Variants in DOP1B observed in about 807,000 individuals in gnomAD.
DOP1B encodes the protein protein DOP1B.
Under a neutral mutation model 233.5 loss-of-function variants are expected in DOP1B, and 174 were observed. That is an observed-to-expected ratio of 0.75 (90% CI 0.66 to 0.85). The LOEUF is 0.85. Among genes scored for constraint, DOP1B ranks in the 40% least tolerant of loss-of-function variants. The pLI, the probability that DOP1B is intolerant of heterozygous loss-of-function variation, is 0.00. For missense variants in DOP1B, 2,652 were observed against 2,846.6 expected (o/e 0.93, Z 1.56); for synonymous variants, 1,190 against 1,185.6 (o/e 1.00, Z -0.08).
At chr21:36,258,832 C>G (rs1471198565) in intron 23 of DOP1B, among the ~76,000 whole-genome samples, 1 of 152,252 alleles carries the variant, frequency 6.6e-6, no homozygotes, top group East Asian at 1.9e-4. Context: ...CACTGCGAGG[C>G]CAGGTTATGG....
At chr21:36,189,226 T>TC (rs773334974) in intron 2 of DOP1B, among the ~76,000 whole-genome samples, 8 of 152,206 alleles carry the variant, frequency 5.3e-5, no homozygotes, top group Non-Finnish European at 1.0e-4. Context: ...TCTTTTTTTT[T>TC]CAAACATACT....
intron 8 of DOP1B, 74 bp from the exon 9 acceptor site, chr21:36,214,368 A>G: frequency 1.4e-6 from 2 of 1,466,270 alleles, no homozygotes; most frequent in Non-Finnish European, 1.9e-6. Context: ...GTATTTAACA[A>G]TTAGAATAGC....
chr21:36,182,728 T>A (rs1406058445), intron 2 of DOP1B, among the ~76,000 whole-genome samples: 1 of 151,822 alleles, frequency 6.6e-6, no homozygotes, highest in Non-Finnish European at 1.5e-5. Flanking sequence ...AGTTGGGAGG[T>A]TGAGGCAGGA....
chr21:36,246,248 T>A lies in DOP1B; in HGVS notation c.4268T>A (p.Leu1423His). The A allele has an allele frequency of 6.2e-7, 1 of 1,613,842 alleles. No individual in the cohort carries two copies. The highest frequency in any genetic ancestry group is 1.1e-5 in the South Asian group (1 of 91,078). Residue 1423 changes from leucine (L) to histidine (H), a missense_variant, in exon 19 of 37, where the codon CTC becomes CAC. Physicochemically the swap from Leu to His is moderately conservative, Grantham distance 99 (BLOSUM62 -3). Around this residue, in one of 3 missense-constraint regions of DOP1B, gnomAD observed 2,617 missense variants for 2,794.3 expected, o/e 0.94. Coordinates refer to ENST00000691173, the MANE Select transcript of DOP1B (RefSeq NM_001320714.2). The surrounding 1 kb of genome is among the most constrained non-coding windows in gnomAD (Gnocchi z 5.1). ...GAGGACAGCCTCTTTGAGGAGAGTCTCATTAACTTGGGTCAGGACCAGATC... is the reference window on the plus strand; with the variant it reads ...GAGGACAGCCTCTTTGAGGAGAGTCACATTAACTTGGGTCAGGACCAGATC... ...LPEDSLFEES[L>H]INLGQDQIWS...
chr21:36,165,134 T>C (rs2065897212), intron 2 of DOP1B, among the ~76,000 whole-genome samples: 1 of 152,184 alleles, frequency 6.6e-6, no homozygotes, highest in Non-Finnish European at 1.5e-5. Context: ...TATCAATGTA[T>C]GTACCTCCTT....
chr21:36,177,630 G>A lies in DOP1B; in HGVS notation c.138+12759G>A, dbSNP rs181163408. On this transcript the variant is annotated intron_variant, in intron 2 of 36. Transcript: ENST00000691173. ...TGTTCTCATAAATGAGTTACTCGAC[G>A]TATGGATTAATGCATTGATAGGTTA... Among the ~76,000 whole-genome samples the A allele has an allele frequency of 2.2e-3, 331 of 152,266 alleles. 1 individual carries two copies. Among genetic ancestry groups the A allele is most frequent in the African/African-American group, 7.8e-3 (324 of 41,552 alleles).
Position 36,251,171 on chromosome 21 carries a change from CAAA to C in DOP1B, c.5012_5014del (p.Lys1671del), listed in dbSNP as rs767730580. ...TTTCCCTATTTTCTAGACCATAAGACAAAAAATTTTAGACTTCTTAAACCCCTT... is the reference window on the plus strand; with the variant it reads ...TTTCCCTATTTTCTAGACCATAAGACAAATTTTAGACTTCTTAAACCCCTT... On this transcript the variant is annotated inframe_deletion, in exon 22 of 37. Transcript: ENST00000691173. 6.2e-7 allele frequency: 1 copy of C among 1,609,514 alleles called. No individual in the cohort carries two copies. The highest frequency in any genetic ancestry group is 2.2e-5 in the East Asian group (1 of 44,828).
intron 23 of DOP1B, among the ~76,000 whole-genome samples, chr21:36,256,136 A>G (rs2067093951): frequency 6.6e-6 from 1 of 152,212 alleles, no homozygotes; most frequent in African/African-American, 2.4e-5. Flanking sequence ...AACAGTTTAA[A>G]ATCATACAGT....
intron 2 of DOP1B, among the ~76,000 whole-genome samples, chr21:36,182,000 AGTATT>A (rs2066104123): frequency 6.6e-6 from 1 of 152,240 alleles, no homozygotes; most frequent in African/African-American, 2.4e-5. Flanking sequence ...CAACATGTAA[AGTATT>A]GAATTGCTTT....
intron 27 of DOP1B, among the ~76,000 whole-genome samples, chr21:36,272,226 ACCTGT>A (rs1196662941): frequency 6.9e-6 from 1 of 145,284 alleles, no homozygotes; most frequent in Non-Finnish European, 1.5e-5. Flanking sequence ...AGTGGCTCCC[ACCTGT>A]AATCCCAGCA....
intron 16 of DOP1B, 113 bp downstream of exon 16, chr21:36,237,527 C>A (rs1167867325): frequency 7.5e-7 from 1 of 1,331,978 alleles, no homozygotes; most frequent in East Asian, 2.5e-5. Context: ...GAGTGGACAT[C>A]GTGATTAATA....
intron 4 of DOP1B, among the ~76,000 whole-genome samples, chr21:36,201,149 G>A (rs2066360458): frequency 6.6e-6 from 1 of 152,130 alleles, no homozygotes; most frequent in African/African-American, 2.4e-5. Flanking sequence ...AGGGCGCCTA[G>A]TGTGGAGGAA....
At chr21:36,287,096 G>A (rs529648711) in intron 32 of DOP1B, among the ~76,000 whole-genome samples, 12 of 151,492 alleles carry the variant, frequency 7.9e-5, no homozygotes, top group Admixed American at 6.6e-5. Flanking sequence ...AGCTATGGAA[G>A]AAAAAAAAAG....
Position 36,288,797 on chromosome 21 carries a change from A to G in DOP1B, c.6339A>G (p.Glu2113=), listed in dbSNP as rs1395430917. Residue 2113 remains glutamate, a synonymous_variant, in exon 34 of 37, where the codon GAA becomes GAG. Transcript: ENST00000691173. Reference sequence around the variant, plus strand: ...AGCTTGAAGAAGATCTAAAAGATGAAGATGAGTCATTGAGGTAAGCAGTAC... The same window carrying G: ...AGCTTGAAGAAGATCTAAAAGATGAGGATGAGTCATTGAGGTAAGCAGTAC... ...FTQLEEDLKD[E]DESLRSTNKV... is the part of the protein sequence containing the mutation. 2 of 1,613,396 alleles carry G rather than the reference A, an allele frequency of 1.2e-6. No individual in the cohort carries two copies. Among genetic ancestry groups the G allele is most frequent in the African/African-American group, 1.3e-5 (1 of 74,918 alleles).
At chr21:36,266,517 C>T (rs942973532) in intron 26 of DOP1B, among the ~76,000 whole-genome samples, 13 of 152,138 alleles carry the variant, frequency 8.5e-5, no homozygotes, top group Non-Finnish European at 1.2e-4. Flanking sequence ...ACAGATGAAG[C>T]GATGATCAGG....
intron 2 of DOP1B, chr21:36,169,511 TTGGTCACCCC>T: frequency 8.9e-7 from 1 of 1,121,330 alleles, no homozygotes; most frequent in East Asian, 2.4e-5. Context: ...GCCTTTGCCC[TTGGTCACCCC>T]GATGATGTCG....
chr21:36,268,844 A>G (rs1407779782), intron 26 of DOP1B, among the ~76,000 whole-genome samples: 1 of 151,282 alleles, frequency 6.6e-6, no homozygotes, highest in African/African-American at 2.4e-5. Flanking sequence ...TAATTTTTGT[A>G]TTTTTAGCAG....
intron 23 of DOP1B, 142 bp from the exon 24 acceptor site, chr21:36,260,535 C>T (rs949355941): frequency 4.6e-6 from 5 of 1,087,620 alleles, no homozygotes; most frequent in South Asian, 3.1e-5. Context: ...TGGGCACTAT[C>T]ATGTCTGTTG....
intron 2 of DOP1B, among the ~76,000 whole-genome samples, chr21:36,187,416 T>A (rs2066177138): frequency 6.6e-6 from 1 of 151,104 alleles, no homozygotes; most frequent in South Asian, 2.1e-4. Context: ...TGCCTGAGCC[T>A]CCTGAGTAGC....
Sources: gnomAD v4.1 joint callset for allele counts (sites outside exome capture counted in the v4.1 genomes callset) on GRCh38, gnomAD v4.1.1 for gene constraint, gnomAD v4.1.1 regional missense constraint, Gnocchi (gnomAD v3.1) non-coding constraint, MANE v1.5 for transcripts, NCBI Gene and HGNC (gene_info 2026-07-23, HGNC 2026-07-21) for gene names.